TENM2: variants seen among roughly 807,000 people sequenced by gnomAD.
TENM2 encodes the protein teneurin transmembrane protein 2, also known as teneurin-2.
Under a neutral mutation model 245.2 loss-of-function variants are expected in TENM2, and 52 were observed. That is an observed-to-expected ratio of 0.21 (90% CI 0.17 to 0.27). TENM2 has a LOEUF of 0.27. TENM2 is among the 10% of genes least tolerant of loss of function. The pLI, the probability that TENM2 is intolerant of heterozygous loss-of-function variation, is 1.00. For missense variants in TENM2, 3,046 were observed against 3,666.8 expected, an observed-to-expected ratio of 0.83 and a Z score of 4.37; for synonymous variants, 1,363 against 1,438.9, an observed-to-expected ratio of 0.95 and a Z score of 1.19.
Position 167,710,228 on chromosome 5 carries a change from CACAT to C in TENM2, c.503-165754_503-165751del, listed in dbSNP as rs1433668155. 6.6e-5 allele frequency among the ~76,000 whole-genome samples: 10 copies of C among 152,176 alleles called. No individual in the cohort carries two copies. The East Asian group carries it at 1.9e-3, about 29-fold the overall frequency. On this transcript the variant is annotated intron_variant, in intron 2 of 28. Transcript: ENST00000518659. ...ATGTGTGTGTATACATATGTACACA[CACAT>C]ACAGGTATACACATGCATACACACA...
chr5:167,970,643 G>T (rs1034945159), intron 4 of TENM2, among the ~76,000 whole-genome samples: 2 of 152,128 alleles, frequency 1.3e-5, no homozygotes, highest in African/African-American at 4.8e-5. Context: ...TGTTTGTTGT[G>T]GTGTGTGTAG....
chr5:167,990,368 CACTT>C (rs960109967), intron 4 of TENM2, among the ~76,000 whole-genome samples: 7 of 152,210 alleles, frequency 4.6e-5, no homozygotes, highest in African/African-American at 1.7e-4. Context: ...CATGGGCTGA[CACTT>C]ACTATGGGAC....
chr5:167,156,263 T>C, the TENM2 span, among the ~76,000 whole-genome samples: 42 of 152,286 alleles, frequency 2.8e-4, no homozygotes, highest in South Asian at 7.7e-3. Flanking sequence ...ATATGTAAGA[T>C]AAGTTTCAGG....
intron 9 of TENM2, among the ~76,000 whole-genome samples, chr5:168,104,846 G>A (rs975655786): frequency 6.6e-6 from 1 of 152,196 alleles, no homozygotes; most frequent in Non-Finnish European, 1.5e-5. Context: ...ATTGTCCTGA[G>A]TCAGTCGAGG....
intron 13 of TENM2, among the ~76,000 whole-genome samples, chr5:168,165,637 TCC>T (rs1299273232): frequency 0.077 from 1,737 of 22,628 alleles, 440 homozygotes; most frequent in African/African-American, 0.13. Context: ...CAATTCAGGA[TCC>T]CCCCCCCAAC....
At chr5:167,680,672 G>C (rs1195580389) in intron 2 of TENM2, among the ~76,000 whole-genome samples, 1 of 152,200 alleles carries the variant, frequency 6.6e-6, no homozygotes, top group African/African-American at 2.4e-5. Flanking sequence ...CAGATTAGCA[G>C]AAGAGTGTGG....
At chr5:167,885,673 G>C (rs1164694878) in intron 3 of TENM2, among the ~76,000 whole-genome samples, 2 of 152,094 alleles carry the variant, frequency 1.3e-5, no homozygotes, top group Non-Finnish European at 2.9e-5. Flanking sequence ...GGCTAAAATG[G>C]GTGATTACTG....
chr5:168,203,876 C>T (rs957062206), intron 18 of TENM2, 44 bp downstream of exon 20: 7 of 1,547,054 alleles, frequency 4.5e-6, no homozygotes, highest in African/African-American at 2.7e-5. Flanking sequence ...CTTGCCACTT[C>T]TCTGGAACCT....
At chr5:167,938,182 A>G (rs1169144900) in intron 3 of TENM2, 3 of 152,246 alleles carry the variant, frequency 2.0e-5, no homozygotes, top group Admixed American at 6.5e-5. Context: ...TCCATAGGTA[A>G]TAATTAACAT....
chr5:167,430,299 A>T (rs1764138532), intron 2 of TENM2, among the ~76,000 whole-genome samples: 1 of 152,188 alleles, frequency 6.6e-6, no homozygotes, highest in Non-Finnish European at 1.5e-5. Flanking sequence ...ATCACGATCA[A>T]TCAAACTCGT....
chr5:167,438,987 T>C (rs1289422452), intron 2 of TENM2, among the ~76,000 whole-genome samples: 1 of 151,668 alleles, frequency 6.6e-6, no homozygotes, highest in Non-Finnish European at 1.5e-5. Flanking sequence ...TAGAAACGCG[T>C]TTCACTATGT....
the TENM2 span, among the ~76,000 whole-genome samples, chr5:167,181,400 T>G: frequency 6.6e-6 from 1 of 151,948 alleles, no homozygotes; most frequent in African/African-American, 2.4e-5. Flanking sequence ...TCAACACAAG[T>G]GTTTACATTT....
chr5:167,942,686 A>G (rs1279725420), intron 3 of TENM2, among the ~76,000 whole-genome samples: 1 of 152,162 alleles, frequency 6.6e-6, no homozygotes, highest in East Asian at 1.9e-4. Context: ...TTCTCCTCTA[A>G]GCCTGCTCAG....
chr5:167,033,560 T>C, the TENM2 span, among the ~76,000 whole-genome samples: 4 of 152,222 alleles, frequency 2.6e-5, no homozygotes, highest in Admixed American at 1.3e-4. Flanking sequence ...TGATATTTCT[T>C]TTTGTTGAAC....
At chr5:167,366,929 T>G (rs2127285466) in intron 1 of TENM2, among the ~76,000 whole-genome samples, 1 of 152,304 alleles carries the variant, frequency 6.6e-6, no homozygotes, top group African/African-American at 2.4e-5. Context: ...CGTTGGAATT[T>G]TCATCAGCAG....
the TENM2 span, among the ~76,000 whole-genome samples, chr5:167,048,511 T>A: frequency 6.6e-6 from 1 of 152,178 alleles, no homozygotes; most frequent in South Asian, 2.1e-4. Flanking sequence ...CAAAATTATA[T>A]GCAGTGTGAT....
intron 2 of TENM2, among the ~76,000 whole-genome samples, chr5:167,475,103 G>A (rs1270504230): frequency 1.3e-5 from 2 of 152,038 alleles, no homozygotes; most frequent in South Asian, 2.1e-4. Context: ...TGTTTTCTAA[G>A]GGATATTTCC....
chr5:168,027,237 C>T (rs1335247085), intron 5 of TENM2, among the ~76,000 whole-genome samples: 1 of 152,092 alleles, frequency 6.6e-6, no homozygotes, highest in Non-Finnish European at 1.5e-5. Flanking sequence ...GGCAAGGACT[C>T]TGAAGGTCAA....
In TENM2 at chr5:167,824,247, G is replaced by T. The variant is rs150784629; in HGVS notation, c.503-51739G>T. Among the ~76,000 whole-genome samples, 90 of 152,250 alleles carry T rather than the reference G, an allele frequency of 5.9e-4. 1 individual carries two copies. In the East Asian group the frequency reaches 0.016, roughly 27 times the overall value. On this transcript the variant is annotated intron_variant, in intron 2 of 28. Transcript: ENST00000518659. ...TGTGCCTGACACTCTGACAGACCCC[G>T]GGAAGGAAAGCAAGTGTGATATGCC...
Sources: gnomAD v4.1 joint callset for allele counts (sites outside exome capture counted in the v4.1 genomes callset) on GRCh38, gnomAD v4.1.1 for gene constraint, MANE v1.5 for transcripts, NCBI Gene and HGNC (gene_info 2026-07-23, HGNC 2026-07-21) for gene names.